CACHD1: variants seen among roughly 807,000 people sequenced by gnomAD.
The protein encoded by CACHD1 is cache domain containing 1.
In CACHD1, 71 loss-of-function variants were observed where a neutral mutation model predicts 138.7. The ratio of observed to expected loss-of-function variants is 0.51; its 90% CI spans 0.42 to 0.62. The LOEUF (loss-of-function observed/expected upper bound fraction) is 0.62, where lower values mean the gene tolerates loss of function less well. Ranked by LOEUF, CACHD1 falls within the 20% of genes least tolerant of loss-of-function variation. The probability of loss-of-function intolerance (pLI) is 0.00; values close to 1 mark genes in which losing one functional copy is unlikely to be tolerated. For missense variants in CACHD1, 1,389 were observed against 1,625.3 expected (o/e 0.85, Z 2.50); for synonymous variants, 578 against 591.5 (o/e 0.98, Z 0.33).
intron 16 of CACHD1, 80 bp downstream of exon 16, chr1:64,666,247 A>C: frequency 1.2e-6 from 1 of 841,144 alleles, no homozygotes; most frequent in Non-Finnish European, 1.9e-6. Flanking sequence ...GAGTACGCGC[A>C]CCAAGGCTTA....
intron 1 of CACHD1, among the ~76,000 whole-genome samples, chr1:64,522,725 TA>T (rs202018429): frequency 1.5e-4 from 23 of 151,188 alleles, no homozygotes; most frequent in Admixed American, 3.9e-4. Flanking sequence ...AAAAGAAACT[TA>T]AAAAAAAAGT....
chr1:64,676,043 T>C, intron 21 of CACHD1, 60 bp downstream of exon 21: 2 of 525,020 alleles, frequency 3.8e-6, no homozygotes, highest in Non-Finnish European at 5.6e-6. Flanking sequence ...TAATAATACA[T>C]ATGTAATACT....
chr1:64,680,691 T>C (rs1570479111), intron 24 of CACHD1, among the ~76,000 whole-genome samples: 1 of 152,142 alleles, frequency 6.6e-6, no homozygotes, highest in East Asian at 1.9e-4. Flanking sequence ...GGAGGTGAAG[T>C]TAACTCATCT....
At chr1:64,562,576 ATTT>A (rs56286973) in intron 2 of CACHD1, among the ~76,000 whole-genome samples, 76,471 of 134,482 alleles carry the variant, frequency 0.57, 23,323 homozygotes, top group Non-Finnish European at 0.68. Context: ...CACCTGGCTA[ATTT>A]TTTTTTTTTT....
intron 1 of CACHD1, among the ~76,000 whole-genome samples, chr1:64,492,709 C>A (rs1391386436): frequency 6.6e-6 from 1 of 152,158 alleles, no homozygotes; most frequent in Admixed American, 6.5e-5. Context: ...CCTGGGCTTC[C>A]TGTCCAGTTA....
chr1:64,679,876 A>G (rs181383157), intron 24 of CACHD1, 120 bp downstream of exon 24: 2 of 1,151,692 alleles, frequency 1.7e-6, no homozygotes, highest in East Asian at 2.6e-5. Flanking sequence ...CTGTGGAGTC[A>G]TTTTGGAAGT....
intron 7 of CACHD1, 106 bp downstream of exon 7, chr1:64,634,366 TTATTTATG>T (rs1648432112): frequency 2.2e-6 from 1 of 444,826 alleles, no homozygotes; most frequent in Non-Finnish European, 3.7e-6. Flanking sequence ...TTTTATTTAT[TTATTTATG>T]TATGTATTTA....
chr1:64,545,416 T>C (rs1646710956), intron 1 of CACHD1, among the ~76,000 whole-genome samples: 1 of 152,222 alleles, frequency 6.6e-6, no homozygotes, highest in Non-Finnish European at 1.5e-5. Context: ...TTTAACAGGC[T>C]AGATTAGTTT....
chr1:64,541,366 A>T (rs572327425), intron 1 of CACHD1, among the ~76,000 whole-genome samples: 1 of 141,274 alleles, frequency 7.1e-6, no homozygotes, highest in African/African-American at 2.7e-5. Flanking sequence ...ATTGGTTTTT[A>T]TGGAGTAGTC....
Position 64,570,303 on chromosome 1 carries a change from T to C in CACHD1, c.262-11853T>C, listed in dbSNP as rs373322655. Reference sequence around the variant, plus strand: ...GAAATAACATGTGGTGTGGTAAAACTGGAAACCTGCCAAGAACTATAGCTT... The same window carrying C: ...GAAATAACATGTGGTGTGGTAAAACCGGAAACCTGCCAAGAACTATAGCTT... On this transcript the variant is annotated intron_variant, in intron 2 of 26. Transcript: ENST00000651257. Among the ~76,000 whole-genome samples the C allele has an allele frequency of 7.2e-5, 11 of 152,290 alleles. No individual in the cohort carries two copies. The East Asian group carries it at 1.9e-3, about 27-fold the overall frequency.
chr1:64,548,973 T>C (rs1646738866), intron 1 of CACHD1, among the ~76,000 whole-genome samples: 1 of 152,218 alleles, frequency 6.6e-6, no homozygotes, highest in South Asian at 2.1e-4. Flanking sequence ...GCGCCAGATC[T>C]GAAGTCATAT....
At chr1:64,627,287 G>A (rs768067362) in intron 4 of CACHD1, among the ~76,000 whole-genome samples, 1 of 152,040 alleles carries the variant, frequency 6.6e-6, no homozygotes, top group Non-Finnish European at 1.5e-5. Context: ...CCCACCTATA[G>A]TCTTAGCTAC....
chr1:64,662,206 A>T (rs1310613332), intron 13 of CACHD1, among the ~76,000 whole-genome samples: 1 of 152,192 alleles, frequency 6.6e-6, no homozygotes, highest in Non-Finnish European at 1.5e-5. Context: ...ACATACATAC[A>T]TGCTTTTGGC....
rs946061054 is a variant in CACHD1, at chr1:64,573,840, T to A, written c.262-8316T>A. Among the ~76,000 whole-genome samples the A allele has an allele frequency of 1.3e-4, 18 of 141,826 alleles. 2 individuals carry two copies. The highest frequency in any genetic ancestry group is 5.1e-4 in the Admixed American group (7 of 13,722). The allele number at this position is 141,826 out of a possible 152,430, so 93.0% of individuals were successfully genotyped here. ...ATAGCATAGGGTGATTACCAAGGGC[T>A]GTTGTGAAGATTAAAAGGCATCAGG... On this transcript the variant is annotated intron_variant, in intron 2 of 26. Coordinates refer to ENST00000651257, the MANE Select transcript of CACHD1 (RefSeq NM_020925.4).
At chr1:64,513,607 G>A (rs1403028826) in intron 1 of CACHD1, among the ~76,000 whole-genome samples, 1 of 152,174 alleles carries the variant, frequency 6.6e-6, no homozygotes, top group African/African-American at 2.4e-5. Flanking sequence ...TGACATTTGA[G>A]TTGCATCTTG....
At chr1:64,515,600 G>A (rs1557470819) in intron 1 of CACHD1, among the ~76,000 whole-genome samples, 1 of 152,094 alleles carries the variant, frequency 6.6e-6, no homozygotes, top group Non-Finnish European at 1.5e-5. Context: ...ATGCTATTAT[G>A]CAACAGCTGT....
intron 5 of CACHD1, among the ~76,000 whole-genome samples, chr1:64,630,964 T>G (rs1648283214): frequency 6.6e-6 from 1 of 152,218 alleles, no homozygotes. Context: ...GATTCACATT[T>G]CTTGTCCTAA....
intron 8 of CACHD1, among the ~76,000 whole-genome samples, chr1:64,644,566 T>A (rs1648840950): frequency 6.6e-6 from 1 of 152,256 alleles, no homozygotes; most frequent in African/African-American, 2.4e-5. Flanking sequence ...ACACACTTTC[T>A]GTTACAGTAA....
rs1006570869 is a variant in CACHD1 at position 64,692,679 on chromosome 1, C to G, written c.*1118C>G. 6.6e-6 allele frequency: 1 copy of G among 152,110 alleles called. No individual in the cohort carries two copies. Among genetic ancestry groups the G allele is most frequent in the Admixed American group, 6.5e-5 (1 of 15,276 alleles). 9.4% of individuals were successfully genotyped at this position (152,110 alleles called of 1,614,324 possible). A position where few individuals can be genotyped will look rare whatever the true frequency, so the allele number is the denominator to read the frequency against. Reference sequence around the variant, plus strand: ...ACGGTTAAAAGCTGCTGCCAGTTAGCCAAGACATTATCCACCAAATTGCTT... The same window carrying G: ...ACGGTTAAAAGCTGCTGCCAGTTAGGCAAGACATTATCCACCAAATTGCTT... On this transcript the variant is annotated 3_prime_UTR_variant, in exon 27 of 27. Coordinates refer to ENST00000651257, the MANE Select transcript of CACHD1 (RefSeq NM_020925.4).
Sources: gnomAD v4.1 joint callset for allele counts (sites outside exome capture counted in the v4.1 genomes callset) on GRCh38, gnomAD v4.1.1 for gene constraint, MANE v1.5 for transcripts, NCBI Gene and HGNC (gene_info 2026-07-23, HGNC 2026-07-21) for gene names.